Variants in RPSA2 observed in about 807,000 individuals in gnomAD.
RPSA2 encodes ribosomal protein SA 2, also known as small ribosomal subunit protein uS2B.
chr19:23,797,047 T>TA, the RPSA2 span, among the ~76,000 whole-genome samples: 63,917 of 151,692 alleles, frequency 0.42, 14,338 homozygotes, highest in Non-Finnish European at 0.52. Flanking sequence ...ATTTCCCTTT[T>TA]AACACTACTT....
At chr19:23,788,503 C>T in the RPSA2 span, among the ~76,000 whole-genome samples, 1 of 152,118 alleles carries the variant, frequency 6.6e-6, no homozygotes, top group African/African-American at 2.4e-5. Flanking sequence ...GCCCTACAAA[C>T]ATTTTGCATT....
the RPSA2 span, among the ~76,000 whole-genome samples, chr19:23,839,396 G>A: frequency 8.0e-4 from 122 of 152,162 alleles, no homozygotes; most frequent in African/African-American, 2.9e-3. Context: ...GGGAAAGCTG[G>A]CAGTCACAGG....
At chr19:23,801,754 C>G in the RPSA2 span, among the ~76,000 whole-genome samples, 2 of 152,094 alleles carry the variant, frequency 1.3e-5, no homozygotes. Context: ...TTCTTTTTTT[C>G]CCTTCACAAA....
At chr19:23,868,839 G>C in the RPSA2 span, among the ~76,000 whole-genome samples, 1 of 152,102 alleles carries the variant, frequency 6.6e-6, no homozygotes, top group Non-Finnish European at 1.5e-5. Flanking sequence ...GCCAACCATG[G>C]GCCCGGTCCC....
At chr19:23,833,204 A>G in the RPSA2 span, 11 of 1,187,442 alleles carry the variant, frequency 9.3e-6, no homozygotes, top group Non-Finnish European at 1.2e-5. Flanking sequence ...AAGAAAATTT[A>G]TACTTGAAAG....
At chr19:23,867,274 A>C in the RPSA2 span, among the ~76,000 whole-genome samples, 1 of 152,212 alleles carries the variant, frequency 6.6e-6, no homozygotes, top group South Asian at 2.1e-4. Flanking sequence ...GGAGCAGCTC[A>C]AAGTGTTCAA....
the RPSA2 span, among the ~76,000 whole-genome samples, chr19:23,852,180 G>A: frequency 2.6e-3 from 394 of 152,318 alleles, 3 homozygotes; most frequent in Middle Eastern, 0.037. Context: ...TGAAGCCTCA[G>A]GGGTCAAAGT....
the RPSA2 span, among the ~76,000 whole-genome samples, chr19:23,779,960 G>T: frequency 6.6e-6 from 1 of 152,162 alleles, no homozygotes; most frequent in Non-Finnish European, 1.5e-5. Context: ...TTACATATCA[G>T]TGGCCCAGCA....
At chr19:23,794,668 G>T in the RPSA2 span, among the ~76,000 whole-genome samples, 1,336 of 152,220 alleles carry the variant, frequency 8.8e-3, 6 homozygotes, top group Middle Eastern at 0.034. Flanking sequence ...TTCCTTTGCT[G>T]TGAAGAAGCT....
the RPSA2 span, among the ~76,000 whole-genome samples, chr19:23,779,017 T>TTTC: frequency 6.8e-6 from 1 of 147,750 alleles, no homozygotes; most frequent in Non-Finnish European, 1.5e-5. Flanking sequence ...TTTTTTTTTT[T>TTTC]TGAGACGGAG....
At chr19:23,830,769 T>A in the RPSA2 span, among the ~76,000 whole-genome samples, 1 of 151,630 alleles carries the variant, frequency 6.6e-6, no homozygotes, top group Non-Finnish European at 1.5e-5. Context: ...TACCTCTGAT[T>A]TTTTTTATGC....
chr19:23,780,091 C>T, the RPSA2 span, among the ~76,000 whole-genome samples: 1 of 152,168 alleles, frequency 6.6e-6, no homozygotes, highest in Non-Finnish European at 1.5e-5. Context: ...AGAAGAGATA[C>T]TGTCTCTCAC....
the RPSA2 span, among the ~76,000 whole-genome samples, chr19:23,777,192 A>G: frequency 6.6e-6 from 1 of 152,216 alleles, no homozygotes; most frequent in African/African-American, 2.4e-5. Flanking sequence ...ACTCTCCTCT[A>G]CTGCCTGAAA....
the RPSA2 span, among the ~76,000 whole-genome samples, chr19:23,826,809 C>T: frequency 6.6e-6 from 1 of 152,018 alleles, no homozygotes; most frequent in African/African-American, 2.4e-5. Flanking sequence ...CCTCAGCCTC[C>T]CGAGTAGCTG....
the RPSA2 span, among the ~76,000 whole-genome samples, chr19:23,841,045 T>G: frequency 6.6e-6 from 1 of 151,186 alleles, no homozygotes; most frequent in East Asian, 2.0e-4. Flanking sequence ...TTTTTATGAT[T>G]AGATTCAGAT....
chr19:23,842,392 A>G, the RPSA2 span, among the ~76,000 whole-genome samples: 1 of 152,232 alleles, frequency 6.6e-6, no homozygotes, highest in African/African-American at 2.4e-5. Flanking sequence ...GAAGGAATGC[A>G]TTAGAGAATC....
chr19:23,766,278 G>C, the RPSA2 span, among the ~76,000 whole-genome samples: 2 of 148,420 alleles, frequency 1.3e-5, no homozygotes, highest in East Asian at 4.0e-4. Context: ...GCAGCCTCCC[G>C]AGTAGCTGGG....
At chr19:23,827,801 G>A in the RPSA2 span, 32 of 1,581,826 alleles carry the variant, frequency 2.0e-5, no homozygotes, top group Non-Finnish European at 2.7e-5. Context: ...TGAAAAAGAA[G>A]AGCAGGCTGC....
At chr19:23,767,401 A>T in the RPSA2 span, among the ~76,000 whole-genome samples, 1 of 152,054 alleles carries the variant, frequency 6.6e-6, no homozygotes, top group Non-Finnish European at 1.5e-5. Context: ...TTTTATTTTT[A>T]GTAGACACAT....
Sources: gnomAD v4.1 joint callset for allele counts (sites outside exome capture counted in the v4.1 genomes callset) on GRCh38, gnomAD v4.1.1 for gene constraint, MANE v1.5 for transcripts, NCBI Gene and HGNC (gene_info 2026-07-23, HGNC 2026-07-21) for gene names.